Variants in DZIP1L observed in about 807,000 individuals in gnomAD.
DZIP1L encodes cilium assembly protein DZIP1L.
DZIP1L carries 90 observed loss-of-function variants against 88.7 expected under a neutral mutation model. The ratio of observed to expected loss-of-function variants is 1.02; its 90% CI spans 0.86 to 1.21. The LOEUF is 1.21. DZIP1L is among the 50% of genes most tolerant of loss of function. The pLI, the probability that DZIP1L is intolerant of heterozygous loss-of-function variation, is 0.00. For synonymous variants in DZIP1L, 363 were observed against 372.1 expected, an observed-to-expected ratio of 0.98 and a Z score of 0.28; for missense variants, 932 against 955.8, an observed-to-expected ratio of 0.98 and a Z score of 0.33.
intron 2 of DZIP1L, among the ~76,000 whole-genome samples, chr3:138,103,126 A>T (rs1039191836): frequency 1.3e-5 from 2 of 151,822 alleles, no homozygotes; most frequent in Non-Finnish European, 2.9e-5. Flanking sequence ...ACACACACAC[A>T]CACACATTAA....
intron 11 of DZIP1L, among the ~76,000 whole-genome samples, chr3:138,073,638 T>C (rs1197166422): frequency 6.6e-6 from 1 of 152,066 alleles, no homozygotes; most frequent in Admixed American, 6.5e-5. Context: ...ACAATTCTGG[T>C]AATATGACAA....
chr3:138,088,709 T>C (rs1944066741), intron 5 of DZIP1L: 10 of 1,244,374 alleles, frequency 8.0e-6, no homozygotes, highest in Admixed American at 4.1e-5. Context: ...AGCCCTTGCA[T>C]AGAAAAAGCA....
chr3:138,105,235 T>C (rs866824120), intron 1 of DZIP1L, among the ~76,000 whole-genome samples: 20 of 152,176 alleles, frequency 1.3e-4, no homozygotes, highest in Middle Eastern at 3.4e-3. Flanking sequence ...AGAATGGTTG[T>C]CTATGAGAGG....
At chr3:138,099,622 C>T (rs569112427) in intron 2 of DZIP1L, among the ~76,000 whole-genome samples, 8 of 152,252 alleles carry the variant, frequency 5.3e-5, no homozygotes, top group African/African-American at 1.7e-4. Flanking sequence ...TGGGAGGTAT[C>T]TGGGTCATGG....
At position 138,114,922 on chromosome 3, in the gene DZIP1L, A is replaced by C. The variant is rs559937651; in HGVS notation, c.-82+406T>G. On this transcript the variant is annotated intron_variant, in intron 1 of 15. Coordinates refer to ENST00000327532, the MANE Select transcript of DZIP1L (RefSeq NM_173543.3). ...TTGCTTTTAAATCACCTCATTACTA[A>C]AAGAATCCTCCTTTACCTACGGCAC... 3.5e-4 allele frequency among the ~76,000 whole-genome samples: 54 copies of C among 152,292 alleles called. 1 individual carries two copies. Among genetic ancestry groups the C allele is most frequent in the African/African-American group, 1.2e-3 (50 of 41,552 alleles).
intron 1 of DZIP1L, among the ~76,000 whole-genome samples, chr3:138,106,724 C>A (rs969350127): frequency 4.0e-5 from 6 of 151,896 alleles, no homozygotes; most frequent in African/African-American, 1.5e-4. Context: ...CCCAGCTACT[C>A]GGGAGGCTGA....
intron 11 of DZIP1L, among the ~76,000 whole-genome samples, chr3:138,075,462 G>C (rs1010307824): frequency 6.6e-6 from 1 of 152,142 alleles, no homozygotes; most frequent in African/African-American, 2.4e-5. Flanking sequence ...CACTCTCTCA[G>C]ATCACAGTGG....
At chr3:138,081,281 C>G (rs957950852) in intron 9 of DZIP1L, among the ~76,000 whole-genome samples, 1 of 152,112 alleles carries the variant, frequency 6.6e-6, no homozygotes, top group Admixed American at 6.6e-5. Flanking sequence ...CACAGACACA[C>G]GCATCCCCAC....
At position 138,064,716 on chromosome 3, in the gene DZIP1L, G is replaced by A. The variant is rs748509737; in HGVS notation, c.2054C>T (p.Pro685Leu). The A allele has an allele frequency of 9.3e-6, 15 of 1,608,920 alleles. No individual in the cohort carries two copies. Among genetic ancestry groups the A allele is most frequent in the Non-Finnish European group, 1.1e-5 (13 of 1,178,204 alleles). ...GACCCCTCCAGCAGGCTTCTTTGCT[G>A]GAGCTTCTAGCTGCTTCTCCAGGTT... is the stretch of plus-strand genomic sequence containing the variant. ...VKNLEKQLEA[P>L]AKKPAGGVSL... The change falls in exon 15 of 16, where the codon CCA (proline) becomes CTA (leucine). Residue 685 changes from proline (P) to leucine (L), a missense_variant. By Grantham distance (98) the Pro-to-Leu change is moderately conservative (BLOSUM62 -3). Coordinates refer to ENST00000327532, the MANE Select transcript of DZIP1L (RefSeq NM_173543.3).
chr3:138,102,843 G>T, intron 2 of DZIP1L: 1 of 704,448 alleles, frequency 1.4e-6, no homozygotes, highest in Non-Finnish European at 2.6e-6. Flanking sequence ...GCCCACTCAT[G>T]TAGAAGCAGC....
At position 138,080,507 on chromosome 3, in the gene DZIP1L, G is replaced by A. The variant is rs1030398167; in HGVS notation, c.1288+60C>T. 3 of 1,580,606 alleles carry A rather than the reference G, an allele frequency of 1.9e-6. No homozygotes were observed. The Admixed American group carries it at 5.0e-5, about 27-fold the overall frequency. On this transcript the variant is annotated intron_variant, in intron 10 of 15. Coordinates refer to ENST00000327532, the MANE Select transcript of DZIP1L (RefSeq NM_173543.3). The stretch of plus-strand genomic sequence containing the variant: ...AGTTAAGTAGAGACAAACTAAACAA[G>A]GAGGAGGGCAGCAAATCTGTTTCTG...
rs566175047 is a variant in DZIP1L, at chr3:138,104,027, A to T, written c.-56T>A. 2.6e-5 allele frequency: 41 copies of T among 1,554,848 alleles called. No individual in the cohort carries two copies. In the East Asian group the frequency reaches 9.2e-4, roughly 35 times the overall value. ...AGGAGGGGGGCACCAAGGCCACGGC[A>T]GTAGGCCAAGGAGCTGAGAGAAGGC... On this transcript the variant is annotated 5_prime_UTR_variant, in exon 2 of 16. Transcript: ENST00000327532.
intron 3 of DZIP1L, among the ~76,000 whole-genome samples, chr3:138,095,622 T>A (rs1454652207): frequency 6.6e-6 from 1 of 151,676 alleles, no homozygotes. Flanking sequence ...CTACTAAAAA[T>A]ACAAAAAAAA....
rs1207270158 is a variant in DZIP1L at position 138,068,229 on chromosome 3, G to C, written c.1754C>G (p.Thr585Ser). ...GCGTGGAGCGGGGGCGGACACCTGG[G>C]TCAGGCTGGAGCCATGGCTGCCATG... ...QSHGSHGSSL[T>S]QVSAPAPRPG... Residue 585 changes from threonine to serine, a missense_variant, in exon 13 of 16, where the codon ACC becomes AGC. Thr to Ser is a moderately conservative substitution (Grantham distance 58, BLOSUM62 1). Transcript: ENST00000327532. 1.3e-6 allele frequency: 2 copies of C among 1,595,110 alleles called. No individual in the cohort carries two copies. Among genetic ancestry groups the C allele is most frequent in the Non-Finnish European group, 1.7e-6 (2 of 1,170,208 alleles).
At chr3:138,102,476 T>C in intron 2 of DZIP1L, 1 of 1,417,070 alleles carries the variant, frequency 7.1e-7, no homozygotes, top group South Asian at 1.1e-5. Context: ...AGCTGCTGCC[T>C]AAGGTTGTTG....
chr3:138,068,913 C>A, intron 12 of DZIP1L: 3 of 1,255,820 alleles, frequency 2.4e-6, no homozygotes, highest in Admixed American at 4.1e-5. Context: ...AAGAGCGGTC[C>A]CGGATCAGCA....
chr3:138,105,978 TATC>T (rs2042471499), intron 1 of DZIP1L, among the ~76,000 whole-genome samples: 1 of 152,230 alleles, frequency 6.6e-6, no homozygotes, highest in East Asian at 1.9e-4. Flanking sequence ...TCAAACTTCT[TATC>T]ATCATCTTCT....
Position 138,088,515 on chromosome 3 carries a change from G to A in DZIP1L, c.871-8C>T. Reference sequence around the variant, plus strand: ...CTGCAGTGCCCGCAGTTTCTGAAAAGGCCAGGGCATAGTTTTATTCAGATG... The same window carrying A: ...CTGCAGTGCCCGCAGTTTCTGAAAAAGCCAGGGCATAGTTTTATTCAGATG... On this transcript the variant is annotated splice_region_variant and splice_polypyrimidine_tract_variant and intron_variant, in intron 5 of 15. Coordinates refer to ENST00000327532, the MANE Select transcript of DZIP1L (RefSeq NM_173543.3). 6.2e-7 allele frequency: 1 copy of A among 1,612,176 alleles called. No individual in the cohort carries two copies. Among genetic ancestry groups the A allele is most frequent in the Non-Finnish European group, 8.5e-7 (1 of 1,179,168 alleles).
At position 138,093,581 on chromosome 3, in the gene DZIP1L, C is replaced by T. The variant is rs114242465; in HGVS notation, c.709-1037G>A. ...TTCCTATAGAAGGTTGTTTTTTCTA[C>T]ACTGAAAATCTGTTTAGTACAGTCA... is the stretch of plus-strand genomic sequence containing the variant. On this transcript the variant is annotated intron_variant, in intron 4 of 15. Transcript: ENST00000327532. 3.1e-3 allele frequency among the ~76,000 whole-genome samples: 466 copies of T among 152,346 alleles called. 4 individuals carry two copies. Among genetic ancestry groups the T allele is most frequent in the African/African-American group, 0.011 (454 of 41,582 alleles).
Sources: gnomAD v4.1 joint callset for allele counts (sites outside exome capture counted in the v4.1 genomes callset) on GRCh38, gnomAD v4.1.1 for gene constraint, MANE v1.5 for transcripts, NCBI Gene and HGNC (gene_info 2026-07-23, HGNC 2026-07-21) for gene names.